The following FHOD3 variants were observed in gnomAD, a reference collection of about 807,000 sequenced individuals.
FHOD3 encodes formin homology 2 domain containing 3, also known as FH1/FH2 domain-containing protein 3.
In FHOD3, 90 loss-of-function variants were observed where a neutral mutation model predicts 173.0. That is an observed-to-expected ratio of 0.52 (90% confidence interval 0.44 to 0.62). FHOD3 has a LOEUF of 0.62. Among genes scored for constraint, FHOD3 ranks in the 20% least tolerant of loss-of-function variants. The pLI is 0.00. For missense variants in FHOD3, 1,945 were observed against 2,034.7 expected (o/e 0.96, Z 0.85); for synonymous variants, 828 against 823.0 (o/e 1.01, Z -0.10).
At chr18:36,451,582 G>A (rs2051848892) in intron 3 of FHOD3, among the ~76,000 whole-genome samples, 1 of 152,208 alleles carries the variant, frequency 6.6e-6, no homozygotes, top group Non-Finnish European at 1.5e-5. Flanking sequence ...AGCCAGTCTG[G>A]TGATTCCTCA....
At chr18:36,747,166 C>T (rs1329750378) in intron 24 of FHOD3, 31 bp downstream of exon 24, 2 of 1,537,440 alleles carry the variant, frequency 1.3e-6, no homozygotes, top group Non-Finnish European at 1.8e-6. Flanking sequence ...ATAGAAATAT[C>T]AGTACAATGG....
At chr18:36,412,762 T>C (rs922761844) in intron 3 of FHOD3, among the ~76,000 whole-genome samples, 2 of 152,216 alleles carry the variant, frequency 1.3e-5, no homozygotes, top group Non-Finnish European at 2.9e-5. Context: ...AAATGTTAGG[T>C]ATAGAAGTCT....
At chr18:36,651,644 T>G (rs542342571) in intron 11 of FHOD3, among the ~76,000 whole-genome samples, 260 of 151,772 alleles carry the variant, frequency 1.7e-3, no homozygotes, top group African/African-American at 6.1e-3. Flanking sequence ...CCCAGCTACT[T>G]GGGAGGCTGA....
intron 1 of FHOD3, among the ~76,000 whole-genome samples, chr18:36,350,576 C>CA (rs1305901894): frequency 1.3e-5 from 2 of 152,144 alleles, no homozygotes; most frequent in Non-Finnish European, 2.9e-5. Context: ...TGAAAATTGT[C>CA]AGAGTCAGGA....
intron 3 of FHOD3, among the ~76,000 whole-genome samples, chr18:36,405,307 A>T (rs1340335330): frequency 6.6e-6 from 1 of 152,220 alleles, no homozygotes; most frequent in Non-Finnish European, 1.5e-5. Flanking sequence ...GGAAATGTTG[A>T]AGAGGTTCGA....
intron 5 of FHOD3, among the ~76,000 whole-genome samples, chr18:36,538,720 T>G (rs1292176902): frequency 6.6e-6 from 1 of 152,130 alleles, no homozygotes; most frequent in East Asian, 1.9e-4. Flanking sequence ...GGAGCAACAG[T>G]ATTATAGAGG....
chr18:36,374,822 G>C (rs1472844626), intron 3 of FHOD3, among the ~76,000 whole-genome samples: 2 of 152,196 alleles, frequency 1.3e-5, no homozygotes, highest in East Asian at 1.9e-4. Context: ...TCAAAATGTT[G>C]TAAGGTCTTG....
At chr18:36,383,120 G>A (rs965100325) in intron 3 of FHOD3, among the ~76,000 whole-genome samples, 1 of 152,170 alleles carries the variant, frequency 6.6e-6, no homozygotes, top group Admixed American at 6.5e-5. Context: ...CTGGGATAGC[G>A]TTGGCCAGCC....
chr18:36,537,809 A>G (rs933441026), intron 5 of FHOD3, among the ~76,000 whole-genome samples: 10 of 152,184 alleles, frequency 6.6e-5, no homozygotes, highest in Non-Finnish European at 1.5e-5. Flanking sequence ...ATCAGTAAGG[A>G]TATAGTGTAA....
intron 27 of FHOD3, among the ~76,000 whole-genome samples, chr18:36,767,373 A>G (rs899116977): frequency 2.0e-5 from 3 of 151,788 alleles, no homozygotes; most frequent in African/African-American, 4.8e-5. Flanking sequence ...AGGCTGGAGC[A>G]TAGTGGCGTG....
At chr18:36,663,194 G>A (rs1007246505) in intron 14 of FHOD3, among the ~76,000 whole-genome samples, 3 of 152,046 alleles carry the variant, frequency 2.0e-5, no homozygotes, top group Admixed American at 6.6e-5. Flanking sequence ...TTATCTATCT[G>A]GAAATTATTT....
intron 11 of FHOD3, 47 bp from the exon 12 acceptor site, chr18:36,652,522 TC>T: frequency 6.7e-7 from 1 of 1,487,820 alleles, no homozygotes. Context: ...GCTCCTTCTC[TC>T]CCAAATCTTT....
At chr18:36,474,589 G>A (rs995272778) in intron 3 of FHOD3, among the ~76,000 whole-genome samples, 2 of 152,142 alleles carry the variant, frequency 1.3e-5, no homozygotes, top group Non-Finnish European at 2.9e-5. Context: ...CAGGAGGGCC[G>A]AAACTGGAAA....
At chr18:36,659,536 T>A (rs1237668546) in intron 14 of FHOD3, among the ~76,000 whole-genome samples, 3 of 152,210 alleles carry the variant, frequency 2.0e-5, no homozygotes, top group African/African-American at 7.2e-5. Context: ...GTCAGACTGA[T>A]ACGACGTTGC....
In FHOD3 at chr18:36,435,717, GAA is replaced by G. The variant is rs1323464106; in HGVS notation, c.337+62974_337+62975del. Among the ~76,000 whole-genome samples the G allele has an allele frequency of 4.6e-5, 7 of 152,280 alleles. No individual in the cohort carries two copies. The East Asian group carries it at 1.2e-3, about 25-fold the overall frequency. ...TAAGGAATTTTCATTACAGGTTAAA[GAA>G]TGCACAGATTTGCTAAGTGGCAATT... On this transcript the variant is annotated intron_variant, in intron 3 of 28. Coordinates refer to ENST00000590592, the MANE Select transcript of FHOD3 (RefSeq NM_001281740.3).
chr18:36,746,887 A>G (rs1341935407), intron 23 of FHOD3, 58 bp from the exon 24 acceptor site: 1 of 1,365,702 alleles, frequency 7.3e-7, no homozygotes, highest in Non-Finnish European at 9.9e-7. Context: ...TTTGTCTCTC[A>G]GTTCAGGCTG....
chr18:36,494,753 C>T (rs2054651589), intron 3 of FHOD3, among the ~76,000 whole-genome samples: 1 of 152,204 alleles, frequency 6.6e-6, no homozygotes, highest in Admixed American at 6.5e-5. Context: ...CACCTCCCAC[C>T]TGGCAGTCCC....
intron 3 of FHOD3, among the ~76,000 whole-genome samples, chr18:36,485,224 A>G (rs2054133890): frequency 1.3e-5 from 2 of 152,160 alleles, no homozygotes; most frequent in Non-Finnish European, 2.9e-5. Flanking sequence ...TCTGCCTGAA[A>G]TAGTTCCACC....
chr18:36,320,403 G>T (rs1056928317), intron 1 of FHOD3, among the ~76,000 whole-genome samples: 10 of 152,106 alleles, frequency 6.6e-5, no homozygotes, highest in Non-Finnish European at 1.0e-4. Context: ...ATAAATTCCT[G>T]GACACATACA....
Sources: gnomAD v4.1 joint callset for allele counts (sites outside exome capture counted in the v4.1 genomes callset) on GRCh38, gnomAD v4.1.1 for gene constraint, MANE v1.5 for transcripts, NCBI Gene and HGNC (gene_info 2026-07-23, HGNC 2026-07-21) for gene names.